TTC21B: variants seen among roughly 807,000 people sequenced by gnomAD.
TTC21B encodes the protein tetratricopeptide repeat domain 21B.
In TTC21B, 127 loss-of-function variants were observed where a neutral mutation model predicts 175.1. The ratio of observed to expected loss-of-function variants is 0.73; its 90% confidence interval spans 0.63 to 0.84. The LOEUF is 0.84. Ranked by LOEUF, TTC21B falls within the 40% of genes least tolerant of loss-of-function variation. The pLI, the probability that TTC21B is intolerant of heterozygous loss-of-function variation, is 0.00. For synonymous variants in TTC21B, 524 were observed against 524.5 expected (o/e 1.00, Z 0.01); for missense variants, 1,561 against 1,558.3 (o/e 1.00, Z -0.03).
chr2:165,893,841 G>C (rs1217910424), intron 22 of TTC21B, among the ~76,000 whole-genome samples: 1 of 152,116 alleles, frequency 6.6e-6, no homozygotes, highest in Non-Finnish European at 1.5e-5. Context: ...GAGGGAAGCA[G>C]AGAACAGTGT....
At position 165,891,800 on chromosome 2, in the gene TTC21B, GAA is replaced by G. The variant is rs5836063; in HGVS notation, c.2951-814_2951-813del. 1.1e-4 allele frequency among the ~76,000 whole-genome samples: 16 copies of G among 151,554 alleles called. 1 individual carries two copies. The highest frequency in any genetic ancestry group is 4.2e-4 in the South Asian group (2 of 4,790). ...GGAAAATATATATAAAAAGTATGAAGAAAAAAAAAATCACCATATTTCCAGCT... is the reference window on the plus strand; with the variant it reads ...GGAAAATATATATAAAAAGTATGAAGAAAAAAAATCACCATATTTCCAGCT... On this transcript the variant is annotated intron_variant, in intron 22 of 28. Coordinates refer to ENST00000243344, the MANE Select transcript of TTC21B (RefSeq NM_024753.5).
At chr2:165,912,667 T>C (rs767375648) in intron 16 of TTC21B, 43 bp from the exon 17 acceptor site, 1 of 1,465,456 alleles carries the variant, frequency 6.8e-7, no homozygotes, top group South Asian at 1.1e-5. Context: ...AAAAATAGCA[T>C]AACTGGGTCC....
intron 6 of TTC21B, among the ~76,000 whole-genome samples, chr2:165,940,762 T>C (rs1405927917): frequency 1.3e-5 from 2 of 152,164 alleles, no homozygotes; most frequent in Non-Finnish European, 2.9e-5. Context: ...TATGGTTCCT[T>C]TCACTTAAAT....
At position 165,953,709 on chromosome 2, in the gene TTC21B, TGCCCCGAGGCCGGGCCG is replaced by T; in HGVS notation, c.-21_-5del. ...CCTTCAATTCCTGCGAGTCCATGGCTGCCCCGAGGCCGGGCCGCGGGGCTCTGGGGATTGTCTCGCCG... is the reference window on the plus strand; with the variant it reads ...CCTTCAATTCCTGCGAGTCCATGGCTCGGGGCTCTGGGGATTGTCTCGCCG... On this transcript the variant is annotated 5_prime_UTR_variant, in exon 1 of 29. Transcript: ENST00000243344. The T allele has an allele frequency of 6.7e-7, 1 of 1,499,630 alleles. No homozygotes were observed. The highest frequency in any genetic ancestry group is 8.9e-7 in the Non-Finnish European group (1 of 1,128,266). The allele number at this position is 1,499,630 out of a possible 1,614,324, so 92.9% of individuals were successfully genotyped here. A position where few individuals can be genotyped will look rare whatever the true frequency, so the allele number is the denominator to read the frequency against.
At chr2:165,921,721 A>G (rs758028331) in intron 12 of TTC21B, among the ~76,000 whole-genome samples, 3 of 150,884 alleles carry the variant, frequency 2.0e-5, no homozygotes, top group Non-Finnish European at 2.9e-5. Context: ...GCAGTTGGCA[A>G]TTTAGCAAAA....
At chr2:165,932,932 T>G in intron 7 of TTC21B, 41 bp downstream of exon 7, 1 of 1,542,362 alleles carries the variant, frequency 6.5e-7, no homozygotes. Context: ...ATGAAATATA[T>G]TTTTTAATAT....
chr2:165,931,017 T>G (rs572072254), intron 8 of TTC21B, among the ~76,000 whole-genome samples: 52 of 152,188 alleles, frequency 3.4e-4, no homozygotes, highest in African/African-American at 1.2e-3. Context: ...AAAAACTAAT[T>G]GAAATAATGT....
chr2:165,925,272 T>C (rs1009062780), intron 11 of TTC21B, among the ~76,000 whole-genome samples: 5 of 152,196 alleles, frequency 3.3e-5, no homozygotes, highest in Non-Finnish European at 1.5e-5. Context: ...TTTCAATTAA[T>C]AATGAGTATG....
At chr2:165,934,308 T>A (rs539887314) in intron 6 of TTC21B, among the ~76,000 whole-genome samples, 21 of 151,830 alleles carry the variant, frequency 1.4e-4, no homozygotes, top group Middle Eastern at 3.4e-3. Context: ...AAAACTGTTA[T>A]AAGAGAAACA....
At chr2:165,913,044 AT>A (rs397692157) in intron 16 of TTC21B, among the ~76,000 whole-genome samples, 52 of 146,954 alleles carry the variant, frequency 3.5e-4, no homozygotes, top group East Asian at 6.0e-4. Context: ...TCAACTCTAC[AT>A]TTTTTTTTTT....
At chr2:165,940,966 C>T (rs1046399344) in intron 6 of TTC21B, 61 bp downstream of exon 6, 48 of 1,584,934 alleles carry the variant, frequency 3.0e-5, no homozygotes, top group Admixed American at 1.2e-4. Flanking sequence ...TCACAGATGT[C>T]GCTTTTTCTC....
intron 26 of TTC21B, among the ~76,000 whole-genome samples, chr2:165,882,493 C>T (rs150820105): frequency 8.6e-4 from 131 of 152,146 alleles, no homozygotes; most frequent in East Asian, 4.8e-3. Flanking sequence ...ATCCCAACTT[C>T]GGCTACTAGA....
intron 12 of TTC21B, 39 bp from the exon 13 acceptor site, chr2:165,919,472 T>A (rs759499048): frequency 1.4e-5 from 23 of 1,600,904 alleles, no homozygotes; most frequent in Non-Finnish European, 1.9e-5. Context: ...ATTCAAATGA[T>A]TAAGAAATGG....
intron 2 of TTC21B, 22 bp downstream of exon 2, chr2:165,949,573 A>G (rs1394480279): frequency 1.9e-6 from 3 of 1,613,716 alleles, no homozygotes; most frequent in Non-Finnish European, 2.5e-6. Context: ...CTGATGGAAC[A>G]TGTTTAATGA....
chr2:165,926,991 C>CATATAT (rs367965246), intron 11 of TTC21B, among the ~76,000 whole-genome samples: 1,150 of 14,590 alleles, frequency 0.079, 207 homozygotes, highest in South Asian at 0.14. Flanking sequence ...TATAAACTCC[C>CATATAT]ATATATATAT....
intron 14 of TTC21B, among the ~76,000 whole-genome samples, chr2:165,916,851 C>T (rs1686192561): frequency 6.6e-6 from 1 of 151,928 alleles, no homozygotes. Flanking sequence ...TAAAGTTTAC[C>T]ACCTGGTCAA....
At chr2:165,934,168 G>T (rs1251893891) in intron 6 of TTC21B, 1 of 151,956 alleles carries the variant, frequency 6.6e-6, no homozygotes. Flanking sequence ...GGTCATTTTT[G>T]GGAAAGAAAA....
At chr2:165,923,616 T>TTG (rs10671006) in intron 12 of TTC21B, among the ~76,000 whole-genome samples, 144,803 of 151,696 alleles carry the variant, frequency 0.95, 69,454 homozygotes, top group East Asian at 1. Context: ...GGCTAATTTC[T>TTG]TGTTTTTAGT....
intron 3 of TTC21B, 24 bp downstream of exon 3, chr2:165,949,369 TA>T: frequency 6.6e-7 from 1 of 1,526,398 alleles, no homozygotes; most frequent in Non-Finnish European, 9.1e-7. Flanking sequence ...AAAAATGTCC[TA>T]AGCATTGCAT....
Sources: allele counts gnomAD v4.1 joint callset (sites outside exome capture counted in the v4.1 genomes callset), GRCh38; gene constraint gnomAD v4.1.1; transcripts MANE v1.5; gene names NCBI Gene and HGNC (gene_info 2026-07-23, HGNC 2026-07-21).